The following CDIN1 variants were observed in gnomAD, a reference collection of about 807,000 sequenced individuals.
CDIN1 encodes CDAN1-interacting nuclease 1.
A neutral mutation model predicts 45.3 loss-of-function variants in CDIN1; 33 were observed. That is an observed-to-expected ratio of 0.73 (90% CI 0.55 to 0.97). CDIN1 has a LOEUF of 0.97. Among genes scored for constraint, CDIN1 ranks in the 50% least tolerant of loss-of-function variants. CDIN1 has a pLI of 0.00. For missense variants in CDIN1, 303 were observed against 339.4 expected, an observed-to-expected ratio of 0.89 and a Z score of 0.84; for synonymous variants, 118 against 124.4, an observed-to-expected ratio of 0.95 and a Z score of 0.34.
chr15:36,649,356 A>ATCCTTAATACTATAT (rs2040481655), intron 3 of CDIN1, among the ~76,000 whole-genome samples: 1 of 152,244 alleles, frequency 6.6e-6, no homozygotes, highest in Non-Finnish European at 1.5e-5. Flanking sequence ...TAAGGATGTC[A>ATCCTTAATACTATAT]TCCTTAATAC....
chr15:36,684,284 AG>A (rs1458046868), intron 5 of CDIN1, among the ~76,000 whole-genome samples: 25 of 152,004 alleles, frequency 1.6e-4, no homozygotes, highest in African/African-American at 5.3e-4. Context: ...TTTAGCATGA[AG>A]GGTTGTTGAA....
In CDIN1 at chr15:36,603,021, G is replaced by A. The variant is rs113686411; in HGVS notation, c.101+23060G>A. Among the ~76,000 whole-genome samples, 870 of 152,126 alleles carry A rather than the reference G, an allele frequency of 5.7e-3. 17 individuals are homozygous for A. Among genetic ancestry groups the A allele is most frequent in the African/African-American group, 0.02 (810 of 41,524 alleles). The stretch of plus-strand genomic sequence containing the variant: ...AGGTAAGTTGTGTTTTTGAGCCATG[G>A]CAGCATCATTGGTGCTAAATATACA... On this transcript the variant is annotated intron_variant, in intron 1 of 10. Coordinates refer to ENST00000566621, the MANE Select transcript of CDIN1 (RefSeq NM_001321759.2).
At chr15:36,651,186 G>A (rs2040562906) in intron 3 of CDIN1, among the ~76,000 whole-genome samples, 1 of 152,162 alleles carries the variant, frequency 6.6e-6, no homozygotes, top group Non-Finnish European at 1.5e-5. Context: ...TCACCTTAAT[G>A]TAGTATTGAG....
At chr15:36,617,773 T>C in intron 1 of CDIN1, 2 of 813,580 alleles carry the variant, frequency 2.5e-6, no homozygotes, top group Non-Finnish European at 2.2e-6. Flanking sequence ...AAGTGATAAG[T>C]TGTGAGTTTG....
intron 1 of CDIN1, among the ~76,000 whole-genome samples, chr15:36,606,577 TA>T (rs1316482118): frequency 6.6e-6 from 1 of 152,120 alleles, no homozygotes; most frequent in Non-Finnish European, 1.5e-5. Flanking sequence ...TCATCCAAAA[TA>T]AGCCATACAG....
intron 10 of CDIN1, among the ~76,000 whole-genome samples, chr15:36,788,020 T>C (rs1010477301): frequency 6.8e-6 from 1 of 147,986 alleles, no homozygotes; most frequent in African/African-American, 2.5e-5. Flanking sequence ...TTCACTTACC[T>C]GGAAAGGTAA....
At chr15:36,629,582 TTGAG>T (rs998475006) in intron 1 of CDIN1, among the ~76,000 whole-genome samples, 1 of 152,222 alleles carries the variant, frequency 6.6e-6, no homozygotes, top group Non-Finnish European at 1.5e-5. Context: ...ATTTTGTCAC[TTGAG>T]TAAGAATTGA....
intron 1 of CDIN1, among the ~76,000 whole-genome samples, chr15:36,636,002 C>T (rs759802461): frequency 5.3e-5 from 8 of 151,718 alleles, no homozygotes; most frequent in East Asian, 1.9e-4. Flanking sequence ...TTGGGAGTCT[C>T]GGGGAGGAGC....
In CDIN1 at chr15:36,633,206, T is replaced by C. The variant is rs79607333; in HGVS notation, c.102-11072T>C. Among the ~76,000 whole-genome samples the C allele has an allele frequency of 7.4e-3, 1,125 of 152,336 alleles. 18 individuals are homozygous for C. Among genetic ancestry groups the C allele is most frequent in the African/African-American group, 0.026 (1,084 of 41,572 alleles). On this transcript the variant is annotated intron_variant, in intron 1 of 10. Transcript: ENST00000566621. ...TGAATATACATCTGTTTATATTTGC[T>C]TCAGGTGCTTTTTACTTTTACACAA...
Position 36,699,448 on chromosome 15 carries a change from C to T in CDIN1, c.544+2058C>T, listed in dbSNP as rs538656090. Among the ~76,000 whole-genome samples the T allele has an allele frequency of 7.2e-4, 109 of 152,204 alleles. 2 individuals are homozygous for T. In the South Asian group the frequency reaches 0.021, roughly 29 times the overall value. ...TTAGTCTTTCTTGTTTACATGTGTA[C>T]ACCTTGAATTTTGTTGCAGAGATGT... On this transcript the variant is annotated intron_variant, in intron 8 of 10. Coordinates refer to ENST00000566621, the MANE Select transcript of CDIN1 (RefSeq NM_001321759.2).
chr15:36,654,279 A>G (rs1013242391), intron 4 of CDIN1, 121 bp downstream of exon 4: 21 of 680,434 alleles, frequency 3.1e-5, no homozygotes, highest in Non-Finnish European at 5.0e-5. Flanking sequence ...TGCATTAGAC[A>G]TTTAAATTGC....
At position 36,702,337 on chromosome 15, in the gene CDIN1, T is replaced by G. The variant is rs575911847; in HGVS notation, c.544+4947T>G. On this transcript the variant is annotated intron_variant, in intron 8 of 10. Coordinates refer to ENST00000566621, the MANE Select transcript of CDIN1 (RefSeq NM_001321759.2). ...TCTTACTTACTCCCCTTATTGAATGTGCTTGTGCATGCTTCTCCCTGGCAC... is the reference window on the plus strand; with the variant it reads ...TCTTACTTACTCCCCTTATTGAATGGGCTTGTGCATGCTTCTCCCTGGCAC... Among the ~76,000 whole-genome samples the G allele has an allele frequency of 2.0e-5, 3 of 152,302 alleles. No homozygotes were observed. The East Asian group carries it at 5.8e-4, about 29-fold the overall frequency.
chr15:36,706,258 G>C (rs1277426206), intron 8 of CDIN1: 1 of 152,198 alleles, frequency 6.6e-6, no homozygotes. Flanking sequence ...ACCAGGCACA[G>C]ATTGGGTTTT....
At chr15:36,745,102 C>G (rs1025395920) in intron 10 of CDIN1, among the ~76,000 whole-genome samples, 6 of 152,088 alleles carry the variant, frequency 3.9e-5, no homozygotes, top group African/African-American at 1.4e-4. Context: ...GTTATACATA[C>G]AGTTTAAACA....
intron 5 of CDIN1, among the ~76,000 whole-genome samples, chr15:36,689,465 G>A (rs975494189): frequency 6.6e-6 from 1 of 152,178 alleles, no homozygotes; most frequent in African/African-American, 2.4e-5. Flanking sequence ...CATGACTGGG[G>A]TCCATACAGA....
intron 8 of CDIN1, among the ~76,000 whole-genome samples, chr15:36,703,402 TG>T (rs1158980291): frequency 7.7e-4 from 1 of 1,300 alleles, no homozygotes; most frequent in Non-Finnish European, 2.0e-3. Context: ...TATATATATA[TG>T]ATATACATAT....
intron 5 of CDIN1, among the ~76,000 whole-genome samples, chr15:36,674,917 C>T (rs2041591377): frequency 6.6e-6 from 1 of 152,086 alleles, no homozygotes; most frequent in Admixed American, 6.6e-5. Flanking sequence ...ATGTACCAAT[C>T]TCCGAGAAAA....
At chr15:36,752,634 A>C (rs1162875486) in intron 10 of CDIN1, among the ~76,000 whole-genome samples, 1 of 152,214 alleles carries the variant, frequency 6.6e-6, no homozygotes, top group East Asian at 1.9e-4. Context: ...TGACTGAATA[A>C]ACATTTACCA....
chr15:36,733,342 G>C (rs72706790), intron 10 of CDIN1, among the ~76,000 whole-genome samples: 54 of 151,862 alleles, frequency 3.6e-4, no homozygotes, highest in Admixed American at 9.9e-4. Flanking sequence ...GCATTTACTT[G>C]GCACTTTAAG....
Sources: gnomAD v4.1 joint callset for allele counts (sites outside exome capture counted in the v4.1 genomes callset) on GRCh38, gnomAD v4.1.1 for gene constraint, MANE v1.5 for transcripts, NCBI Gene and HGNC (gene_info 2026-07-23, HGNC 2026-07-21) for gene names.